HCN1: variants seen among roughly 807,000 people sequenced by gnomAD.
The protein encoded by HCN1 is hyperpolarization activated cyclic nucleotide gated potassium channel 1.
In HCN1, 13 loss-of-function variants were observed where a neutral mutation model predicts 78.9. The observed-to-expected ratio is 0.16, with a 90% CI of 0.11 to 0.26. The LOEUF (loss-of-function observed/expected upper bound fraction) is 0.26. Among genes scored for constraint, HCN1 ranks in the 10% least tolerant of loss-of-function variants. The pLI is 1.00. For synonymous variants in HCN1, 552 were observed against 455.5 expected (o/e 1.21, Z -2.70); for missense variants, 810 against 1,154.3 (o/e 0.70, Z 4.32).
rs191456780 is a variant in HCN1, at chr5:45,340,472, T to A, written c.1377+12628A>T. 4.3e-4 allele frequency among the ~76,000 whole-genome samples: 65 copies of A among 152,266 alleles called. 1 individual carries two copies. Among genetic ancestry groups the A allele is most frequent in the Non-Finnish European group, 7.2e-4 (49 of 68,028 alleles). ...TTATCTTGTCTTTCTGTCTTTTGATTTGATATTTATTCCTGATACTGTCTG... is the reference window on the plus strand; with the variant it reads ...TTATCTTGTCTTTCTGTCTTTTGATATGATATTTATTCCTGATACTGTCTG... On this transcript the variant is annotated intron_variant, in intron 5 of 7. Coordinates refer to ENST00000303230, the MANE Select transcript of HCN1 (RefSeq NM_021072.4).
At chr5:45,349,285 AC>A (rs1260907999) in intron 5 of HCN1, among the ~76,000 whole-genome samples, 2 of 152,220 alleles carry the variant, frequency 1.3e-5, no homozygotes, top group Non-Finnish European at 2.9e-5. Context: ...TGGGTACATA[AC>A]GAAATGAAGG....
intron 2 of HCN1, among the ~76,000 whole-genome samples, chr5:45,603,072 A>G (rs1173837637): frequency 1.3e-5 from 2 of 152,158 alleles, no homozygotes; most frequent in Non-Finnish European, 2.9e-5. Flanking sequence ...ATAGTTCGAT[A>G]TAAGTGGCAT....
intron 7 of HCN1, among the ~76,000 whole-genome samples, chr5:45,265,189 T>TAAAA (rs34632955): frequency 7.1e-6 from 1 of 140,310 alleles, no homozygotes. Flanking sequence ...GATTCTGTCT[T>TAAAA]AAAAAAAAAA....
chr5:45,481,005 T>C (rs1282400294), intron 2 of HCN1, among the ~76,000 whole-genome samples: 2 of 152,176 alleles, frequency 1.3e-5, no homozygotes, highest in Non-Finnish European at 2.9e-5. Flanking sequence ...ATGTAAGGCT[T>C]AGAGTTTAAA....
chr5:45,292,620 CA>C (rs1745403835), intron 6 of HCN1, among the ~76,000 whole-genome samples: 2 of 151,860 alleles, frequency 1.3e-5, no homozygotes, highest in Non-Finnish European at 2.9e-5. Context: ...TTATCATTAT[CA>C]TATGTATAAA....
At chr5:45,478,732 T>A (rs1469172250) in intron 2 of HCN1, among the ~76,000 whole-genome samples, 2 of 152,134 alleles carry the variant, frequency 1.3e-5, no homozygotes. Context: ...ATAATGTGTG[T>A]GGTGTGTCTG....
chr5:45,545,497 G>A (rs1743197016), intron 2 of HCN1, among the ~76,000 whole-genome samples: 1 of 152,092 alleles, frequency 6.6e-6, no homozygotes, highest in Non-Finnish European at 1.5e-5. Context: ...ATTGCTTTTG[G>A]GGTTTTAGTC....
chr5:45,556,805 G>C (rs532909937), intron 2 of HCN1, among the ~76,000 whole-genome samples: 20 of 151,630 alleles, frequency 1.3e-4, no homozygotes, highest in African/African-American at 4.8e-4. Context: ...TATTCTTATT[G>C]TTTCTCATAT....
intron 3 of HCN1, among the ~76,000 whole-genome samples, chr5:45,405,969 A>C (rs1413207160): frequency 6.6e-6 from 1 of 152,182 alleles, no homozygotes; most frequent in Non-Finnish European, 1.5e-5. Context: ...CAAAATTTGC[A>C]TTAAATAGAC....
intron 2 of HCN1, among the ~76,000 whole-genome samples, chr5:45,595,657 C>G (rs1035074033): frequency 2.0e-5 from 3 of 152,012 alleles, no homozygotes; most frequent in Admixed American, 2.0e-4. Flanking sequence ...ACTTTGAAAT[C>G]CTGTGGTCCA....
At chr5:45,317,055 GA>G (rs911486755) in intron 5 of HCN1, among the ~76,000 whole-genome samples, 2 of 151,674 alleles carry the variant, frequency 1.3e-5, no homozygotes, top group African/African-American at 2.4e-5. Flanking sequence ...AAAAAATTGG[GA>G]AAAAAACTAC....
intron 5 of HCN1, among the ~76,000 whole-genome samples, chr5:45,322,587 A>C (rs1310135682): frequency 6.6e-6 from 1 of 151,876 alleles, no homozygotes; most frequent in Non-Finnish European, 1.5e-5. Context: ...TTTATGTTTC[A>C]TATATACTTC....
Position 45,258,673 on chromosome 5 carries a change from T to C in HCN1, c.*3248A>G, listed in dbSNP as rs530670818. 6 of 152,174 alleles carry C rather than the reference T, an allele frequency of 3.9e-5. No individual in the cohort carries two copies. The highest frequency in any genetic ancestry group is 9.6e-5 in the African/African-American group (4 of 41,560). 9.4% of individuals were successfully genotyped at this position (152,174 alleles called of 1,614,324 possible). A position where few individuals can be genotyped will look rare whatever the true frequency, so the allele number is the denominator to read the frequency against. On this transcript the variant is annotated 3_prime_UTR_variant, in exon 8 of 8. Coordinates refer to ENST00000303230, the MANE Select transcript of HCN1 (RefSeq NM_021072.4). ...GCCCAAGGCTATAAATATGAATATA[T>C]TTATACAAACCTATTTTGTTATAAT...
intron 6 of HCN1, among the ~76,000 whole-genome samples, chr5:45,289,068 G>A (rs1256163383): frequency 6.6e-6 from 1 of 151,940 alleles, no homozygotes; most frequent in Non-Finnish European, 1.5e-5. Flanking sequence ...TTTTTGGGGG[G>A]CATTATACAA....
At chr5:45,652,905 G>T (rs769323670) in intron 1 of HCN1, among the ~76,000 whole-genome samples, 2 of 151,656 alleles carry the variant, frequency 1.3e-5, no homozygotes, top group South Asian at 4.2e-4. Flanking sequence ...TTTTCATTTT[G>T]TTCCATTGTC....
At chr5:45,527,366 TATC>T (rs10615896) in intron 2 of HCN1, among the ~76,000 whole-genome samples, 129,651 of 134,882 alleles carry the variant, frequency 0.96, 63,233 homozygotes, top group East Asian at 1. Context: ...TATACCATGT[TATC>T]ATCAGCTTAA....
At chr5:45,604,893 T>C (rs1744695925) in intron 2 of HCN1, among the ~76,000 whole-genome samples, 1 of 152,082 alleles carries the variant, frequency 6.6e-6, no homozygotes, top group South Asian at 2.1e-4. Context: ...TTTACTTTAG[T>C]TAAAATTTAT....
chr5:45,510,874 TGA>T (rs1182521416), intron 2 of HCN1, among the ~76,000 whole-genome samples: 2 of 145,042 alleles, frequency 1.4e-5, no homozygotes, highest in Non-Finnish European at 3.1e-5. Flanking sequence ...TTAGAAATGT[TGA>T]GTTTATTGTT....
At chr5:45,333,354 G>A (rs374279796) in intron 5 of HCN1, among the ~76,000 whole-genome samples, 2 of 151,716 alleles carry the variant, frequency 1.3e-5, no homozygotes, top group East Asian at 1.9e-4. Flanking sequence ...TTTTCCTATA[G>A]AGTTGTTTGA....
Sources: gnomAD v4.1 joint callset for allele counts (sites outside exome capture counted in the v4.1 genomes callset) on GRCh38, gnomAD v4.1.1 for gene constraint, MANE v1.5 for transcripts, NCBI Gene and HGNC (gene_info 2026-07-23, HGNC 2026-07-21) for gene names.